BBS4: variants seen among roughly 807,000 people sequenced by gnomAD.
BBS4 encodes the protein BBSome complex member BBS4.
Under a neutral mutation model 71.4 loss-of-function variants are expected in BBS4, and 58 were observed. The ratio of observed to expected loss-of-function variants is 0.81; its 90% CI spans 0.66 to 1.01. The LOEUF (loss-of-function observed/expected upper bound fraction) is 1.01. Among genes scored for constraint, BBS4 ranks in the 50% least tolerant of loss-of-function variants. The pLI, the probability that BBS4 is intolerant of heterozygous loss-of-function variation, is 0.00. For synonymous variants in BBS4, 228 were observed against 216.8 expected (o/e 1.05, Z -0.46); for missense variants, 660 against 607.9 (o/e 1.09, Z -0.90).
At chr15:72,717,098 AC>A (rs1201019884) in intron 6 of BBS4, 3 of 507,002 alleles carry the variant, frequency 5.9e-6, no homozygotes, top group Non-Finnish European at 1.1e-5. Context: ...CTTGTTGATG[AC>A]CCCTAGAAGC....
chr15:72,702,908 CG>C lies in BBS4; in HGVS notation c.77-6791del, dbSNP rs376020176. On this transcript the variant is annotated intron_variant, in intron 2 of 15. Transcript: ENST00000268057. ...CTGCAAGCTCCGCCTTCCGGGTTCA[CG>C]CCATTCTCCTGCCTCAGCCTCCCAA... 1.6e-3 allele frequency among the ~76,000 whole-genome samples: 226 copies of C among 142,120 alleles called. 2 individuals carry two copies. The highest frequency in any genetic ancestry group is 5.8e-3 in the Admixed American group (77 of 13,200). 93.2% of individuals were successfully genotyped at this position (142,120 alleles called of 152,430 possible). A position where few individuals can be genotyped will look rare whatever the true frequency, so the allele number is the denominator to read the frequency against.
chr15:72,696,410 C>A (rs568522420), intron 2 of BBS4, among the ~76,000 whole-genome samples: 1 of 152,014 alleles, frequency 6.6e-6, no homozygotes, highest in Non-Finnish European at 1.5e-5. Flanking sequence ...TTCTGAGTTT[C>A]GACAAATGAA....
intron 1 of BBS4, among the ~76,000 whole-genome samples, chr15:72,691,954 G>T (rs2064991924): frequency 1.3e-5 from 1 of 74,776 alleles, no homozygotes; most frequent in African/African-American, 4.2e-5. Context: ...GCGAGACTTC[G>T]TCTCAAAAAA....
intron 1 of BBS4, among the ~76,000 whole-genome samples, chr15:72,687,503 C>G (rs923868666): frequency 4.6e-5 from 7 of 151,384 alleles, no homozygotes; most frequent in Non-Finnish European, 1.0e-4. Context: ...ACCTGGAAGG[C>G]TGAGGCAGGA....
chr15:72,730,446 T>C (rs1278755857), intron 10 of BBS4, among the ~76,000 whole-genome samples: 1 of 151,658 alleles, frequency 6.6e-6, no homozygotes, highest in East Asian at 1.9e-4. Flanking sequence ...AAAAAAATTA[T>C]CCAGGCATGG....
At chr15:72,724,945 T>A (rs1179464741) in intron 8 of BBS4, among the ~76,000 whole-genome samples, 1 of 151,884 alleles carries the variant, frequency 6.6e-6, no homozygotes, top group Non-Finnish European at 1.5e-5. Context: ...GCTGTTGTCT[T>A]TACCTGCATG....
At chr15:72,736,622 T>G (rs904427924) in intron 14 of BBS4, 140 bp from the exon 15 acceptor site, 2 of 794,640 alleles carry the variant, frequency 2.5e-6, no homozygotes, top group Non-Finnish European at 4.3e-6. Context: ...CTCTACTGTT[T>G]GATAAGTACT....
rs1400526428 is a variant in BBS4, at chr15:72,686,265, T to G, written c.24+14T>G. On this transcript the variant is annotated intron_variant, in intron 1 of 15. Transcript: ENST00000268057. ...AGAGTCGCGACGGTGAGCGCCGAGATTCTCTTTAGTTGCCCGGCCGCAGGG... is the reference window on the plus strand; with the variant it reads ...AGAGTCGCGACGGTGAGCGCCGAGAGTCTCTTTAGTTGCCCGGCCGCAGGG... 1 of 1,563,542 alleles carries G rather than the reference T, an allele frequency of 6.4e-7. No individual in the cohort carries two copies. The highest frequency in any genetic ancestry group is 1.4e-5 in the African/African-American group (1 of 73,652).
At chr15:72,699,025 T>G (rs1015120707) in intron 2 of BBS4, among the ~76,000 whole-genome samples, 1 of 152,242 alleles carries the variant, frequency 6.6e-6, no homozygotes, top group African/African-American at 2.4e-5. Flanking sequence ...CTTTCATTGA[T>G]TAGCTTTCTG....
At position 72,735,116 on chromosome 15, in the gene BBS4, C is replaced by T; in HGVS notation, c.1040C>T (p.Ala347Val). 1 of 1,613,182 alleles carries T rather than the reference C, an allele frequency of 6.2e-7. No individual in the cohort carries two copies. Among genetic ancestry groups the T allele is most frequent in the East Asian group, 2.2e-5 (1 of 44,866 alleles). Residue 347 changes from alanine to valine, a missense_variant, in exon 13 of 16, where the codon GCT becomes GTT. Ala to Val is a moderately conservative substitution (Grantham distance 64). Transcript: ENST00000268057. ...TGCAGTGCTTTCTTTGTTGCAGTGG[C>T]TCTGACCAATCTGGAAGATATAGAA... The part of the protein sequence containing the change: ...MGELYMLLAV[A>V]LTNLEDIENA...
At chr15:72,725,748 T>TTTCCCCCTTCCCCC (rs1216454074) in intron 8 of BBS4, among the ~76,000 whole-genome samples, 2 of 62,098 alleles carry the variant, frequency 3.2e-5, no homozygotes, top group African/African-American at 7.8e-5. Flanking sequence ...CCCCTTTCCC[T>TTTCCCCCTTCCCCC]TTCCCCCTTC....
chr15:72,691,449 T>C (rs2064981595), intron 1 of BBS4, among the ~76,000 whole-genome samples: 1 of 152,202 alleles, frequency 6.6e-6, no homozygotes, highest in Non-Finnish European at 1.5e-5. Flanking sequence ...CCACATCAGA[T>C]GTAGTGTTTC....
chr15:72,702,097 C>T (rs995929880), intron 2 of BBS4, among the ~76,000 whole-genome samples: 6 of 151,914 alleles, frequency 3.9e-5, no homozygotes, highest in Non-Finnish European at 5.9e-5. Context: ...CTGCCTGCCT[C>T]GGCCTCCCAA....
intron 3 of BBS4, among the ~76,000 whole-genome samples, chr15:72,710,134 T>C (rs892338057): frequency 6.6e-6 from 1 of 150,976 alleles, no homozygotes; most frequent in Admixed American, 6.6e-5. Context: ...TGGAGGCAGA[T>C]GTTCAACTCA....
intron 8 of BBS4, 75 bp from the exon 9 acceptor site, chr15:72,727,865 G>C: frequency 9.1e-7 from 1 of 1,101,234 alleles, no homozygotes; most frequent in Non-Finnish European, 1.4e-6. Context: ...TATTGCACGA[G>C]GGCATATTAC....
intron 2 of BBS4, among the ~76,000 whole-genome samples, chr15:72,702,233 A>T (rs2065182972): frequency 6.6e-6 from 1 of 152,140 alleles, no homozygotes; most frequent in African/African-American, 2.4e-5. Flanking sequence ...ATCCTTTATG[A>T]TTGGGCAGAA....
intron 12 of BBS4, among the ~76,000 whole-genome samples, chr15:72,733,576 T>A (rs2065868070): frequency 6.6e-6 from 1 of 151,954 alleles, no homozygotes; most frequent in Non-Finnish European, 1.5e-5. Flanking sequence ...GGCCTCCAGC[T>A]CCATCTATGT....
At chr15:72,689,440 A>G (rs985607939) in intron 1 of BBS4, among the ~76,000 whole-genome samples, 4 of 152,236 alleles carry the variant, frequency 2.6e-5, no homozygotes, top group Admixed American at 6.5e-5. Context: ...TTCTTAAAAA[A>G]TGAGCAAACA....
rs2065333014 is a variant in BBS4 at position 72,709,791 on chromosome 15, C to T, written c.156+12C>T. ...ATGAAGCCTGCAAGGTAAGAGATTG[C>T]CATAATAATAAAAATGAGAGGCAGG... On this transcript the variant is annotated intron_variant, in intron 3 of 15. Transcript: ENST00000268057. 4 of 1,606,272 alleles carry T rather than the reference C, an allele frequency of 2.5e-6. No individual in the cohort carries two copies. The highest frequency in any genetic ancestry group is 3.4e-6 in the Non-Finnish European group (4 of 1,173,606).
Sources: allele counts gnomAD v4.1 joint callset (sites outside exome capture counted in the v4.1 genomes callset), GRCh38; gene constraint gnomAD v4.1.1; transcripts MANE v1.5; gene names NCBI Gene and HGNC (gene_info 2026-07-23, HGNC 2026-07-21).